Variants in TEX26 observed in about 807,000 individuals in gnomAD.
TEX26 encodes the protein testis-expressed protein 26.
In TEX26, 34 loss-of-function variants were observed where a neutral mutation model predicts 35.3. The observed-to-expected ratio is 0.96, with a 90% CI of 0.73 to 1.28. The LOEUF (loss-of-function observed/expected upper bound fraction) is 1.28, where lower values mean the gene tolerates loss of function less well. Ranked by LOEUF, TEX26 falls within the 50% of genes most tolerant of loss-of-function variation. The probability of loss-of-function intolerance (pLI) is 0.00; values close to 1 mark genes in which losing one functional copy is unlikely to be tolerated. For synonymous variants in TEX26, 136 were observed against 111.8 expected, an observed-to-expected ratio of 1.22 and a Z score of -1.36; for missense variants, 371 against 330.1, an observed-to-expected ratio of 1.12 and a Z score of -0.96.
chr13:30,953,495 C>T (rs1192009599), intron 3 of TEX26, among the ~76,000 whole-genome samples: 1 of 152,204 alleles, frequency 6.6e-6, no homozygotes, highest in Non-Finnish European at 1.5e-5. Flanking sequence ...GTGTGTGCAT[C>T]CATTAATGCA....
rs1461715820 is a variant in TEX26 at position 30,939,670 on chromosome 13, A to G, written c.62-24A>G. ...CAAAATATTCTGGTTTGCCATATTT[A>G]AAACTGCTTTATTGTACTTTTAGCA... is the stretch of plus-strand genomic sequence containing the variant. On this transcript the variant is annotated intron_variant, in intron 1 of 6. Transcript: ENST00000380473. The G allele has an allele frequency of 3.1e-6, 5 of 1,594,570 alleles. No homozygotes were observed. The African/African-American group carries it at 6.7e-5, about 21-fold the overall frequency.
intron 3 of TEX26, among the ~76,000 whole-genome samples, chr13:30,953,498 T>C (rs145657578): frequency 1.0e-3 from 157 of 152,370 alleles, no homozygotes; most frequent in Middle Eastern, 6.8e-3. Context: ...TGTGCATCCA[T>C]TAATGCATCT....
At chr13:30,964,594 G>A (rs1202606613) in intron 4 of TEX26, among the ~76,000 whole-genome samples, 1 of 152,184 alleles carries the variant, frequency 6.6e-6, no homozygotes, top group Non-Finnish European at 1.5e-5. Context: ...AGCTCCTAGT[G>A]AAAAAGTCAA....
At chr13:30,941,482 T>C (rs1192520426) in intron 2 of TEX26, among the ~76,000 whole-genome samples, 1 of 152,252 alleles carries the variant, frequency 6.6e-6, no homozygotes, top group Non-Finnish European at 1.5e-5. Flanking sequence ...AAAGTTTCAG[T>C]ATAAAAATTT....
Position 30,966,432 on chromosome 13 carries a change from C to CTTTTTTT in TEX26, c.646+50_646+56dup, listed in dbSNP as rs10523710. ...AGCTGCAGTTTCTTTTTCTTTTTCTCTTTTTTTTTTTTTTTTTTTTTTGAG... is the reference window on the plus strand; with the variant it reads ...AGCTGCAGTTTCTTTTTCTTTTTCTCTTTTTTTTTTTTTTTTTTTTTTTTTTTTTGAG... On this transcript the variant is annotated intron_variant, in intron 5 of 6. Coordinates refer to ENST00000380473, the MANE Select transcript of TEX26 (RefSeq NM_152325.3). The CTTTTTTT allele has an allele frequency of 5.1e-5, 51 of 997,748 alleles. No individual in the cohort carries two copies. In the African/African-American group the frequency reaches 9.5e-4, roughly 19 times the overall value. 61.8% of individuals were successfully genotyped at this position (997,748 alleles called of 1,614,324 possible). A position where few individuals can be genotyped will look rare whatever the true frequency, so the allele number is the denominator to read the frequency against.
Position 30,932,781 on chromosome 13 carries a change from G to T in TEX26, c.61+5G>T. 6.2e-7 allele frequency: 1 copy of T among 1,613,902 alleles called. No homozygotes were observed. Among genetic ancestry groups the T allele is most frequent in the South Asian group, 1.1e-5 (1 of 91,002 alleles). On this transcript the variant is annotated splice_donor_5th_base_variant and intron_variant, in intron 1 of 6. Coordinates refer to ENST00000380473, the MANE Select transcript of TEX26 (RefSeq NM_152325.3). The stretch of plus-strand genomic sequence containing the variant: ...GCCACCACAACCTCCAGCCAAGTAA[G>T]ACAGCAGACTCTGCCGGTCTGCGGG...
intron 1 of TEX26, 87 bp from the exon 2 acceptor site, chr13:30,939,607 C>A: frequency 1.6e-6 from 2 of 1,244,846 alleles, no homozygotes; most frequent in Non-Finnish European, 2.3e-6. Context: ...GTTTTTTTCT[C>A]TTGCAAAATT....
intron 2 of TEX26, among the ~76,000 whole-genome samples, chr13:30,948,862 T>G (rs906702565): frequency 6.6e-6 from 1 of 152,242 alleles, no homozygotes; most frequent in Non-Finnish European, 1.5e-5. Context: ...TCTAGAGTTT[T>G]TATGGTTTTA....
At chr13:30,943,983 G>A (rs1953609127) in intron 2 of TEX26, among the ~76,000 whole-genome samples, 1 of 152,052 alleles carries the variant, frequency 6.6e-6, no homozygotes, top group Non-Finnish European at 1.5e-5. Flanking sequence ...ATGAGTCGGA[G>A]AGGATTCCCT....
In TEX26 at chr13:30,952,626, C is replaced by T. The variant is rs368133357; in HGVS notation, c.147-34C>T. 1.9e-6 allele frequency: 3 copies of T among 1,538,930 alleles called. No individual in the cohort carries two copies. The African/African-American group carries it at 4.2e-5, about 22-fold the overall frequency. ...ACTTTTGTGAGATTTGGTATTTAACCTCTAACTCTAATTTCTGCTGGGTTT... is the reference window on the plus strand; with the variant it reads ...ACTTTTGTGAGATTTGGTATTTAACTTCTAACTCTAATTTCTGCTGGGTTT... On this transcript the variant is annotated intron_variant, in intron 2 of 6. Coordinates refer to ENST00000380473, the MANE Select transcript of TEX26 (RefSeq NM_152325.3).
intron 4 of TEX26, 72 bp from the exon 5 acceptor site, chr13:30,966,150 C>T (rs1954517327): frequency 2.6e-6 from 4 of 1,555,262 alleles, no homozygotes; most frequent in Middle Eastern, 1.7e-4. Flanking sequence ...TACCTCTAAA[C>T]ACAGCAAGAG....
intron 1 of TEX26, among the ~76,000 whole-genome samples, chr13:30,935,628 C>G (rs1953245579): frequency 6.6e-6 from 1 of 152,246 alleles, no homozygotes; most frequent in South Asian, 2.1e-4. Context: ...GCTACGCTCT[C>G]TGCTGAGAGC....
chr13:30,960,071 A>T (rs569119269), intron 4 of TEX26, among the ~76,000 whole-genome samples: 1 of 152,366 alleles, frequency 6.6e-6, no homozygotes, highest in South Asian at 2.1e-4. Context: ...GAAGAAAAAA[A>T]GACATTTCCA....
At chr13:30,947,914 G>A (rs1953773210) in intron 2 of TEX26, among the ~76,000 whole-genome samples, 2 of 151,444 alleles carry the variant, frequency 1.3e-5, no homozygotes, top group Admixed American at 6.6e-5. Flanking sequence ...AACTGTCCCT[G>A]GTGTGTGATG....
At chr13:30,934,711 C>T (rs1465214695) in intron 1 of TEX26, among the ~76,000 whole-genome samples, 1 of 152,140 alleles carries the variant, frequency 6.6e-6, no homozygotes, top group Non-Finnish European at 1.5e-5. Flanking sequence ...TGGGAGCTGC[C>T]CCTTCTGAGT....
chr13:30,939,374 T>C (rs984793718), intron 1 of TEX26, among the ~76,000 whole-genome samples: 7 of 152,230 alleles, frequency 4.6e-5, no homozygotes, highest in South Asian at 2.1e-4. Flanking sequence ...TAAAACATAA[T>C]AGTAGGTCTC....
chr13:30,939,066 G>C (rs1953379695), intron 1 of TEX26, among the ~76,000 whole-genome samples: 1 of 152,224 alleles, frequency 6.6e-6, no homozygotes, highest in Non-Finnish European at 1.5e-5. Context: ...ATAAGAAAAA[G>C]ACACTCTGTG....
At chr13:30,958,941 C>G (rs1029004192) in intron 4 of TEX26, among the ~76,000 whole-genome samples, 1 of 152,176 alleles carries the variant, frequency 6.6e-6, no homozygotes, top group Non-Finnish European at 1.5e-5. Flanking sequence ...AGTTAATTTT[C>G]ACAACCTGTG....
chr13:30,966,208 C>A lies in TEX26; in HGVS notation c.470-14C>A. 1 of 1,613,768 alleles carries A rather than the reference C, an allele frequency of 6.2e-7. No homozygotes were observed. On this transcript the variant is annotated splice_polypyrimidine_tract_variant and intron_variant, in intron 4 of 6. Transcript: ENST00000380473. The stretch of plus-strand genomic sequence containing the variant: ...AAGGAGTAAGTATTGCCTTCCATTT[C>A]CATTCCACCCCAGCTCAGAAGATTA...
Sources: gnomAD v4.1 joint callset for allele counts (sites outside exome capture counted in the v4.1 genomes callset) on GRCh38, gnomAD v4.1.1 for gene constraint, MANE v1.5 for transcripts, NCBI Gene and HGNC (gene_info 2026-07-23, HGNC 2026-07-21) for gene names.